Variants in C10orf53 observed in about 807,000 individuals in gnomAD.
The protein encoded by C10orf53 is UPF0728 protein C10orf53.
In C10orf53, 8 loss-of-function variants were observed where a neutral mutation model predicts 9.4. The observed-to-expected ratio is 0.85, with a 90% CI of 0.50 to 1.53. The LOEUF (loss-of-function observed/expected upper bound fraction) is 1.53. Among genes scored for constraint, C10orf53 ranks in the 40% most tolerant of loss-of-function variants. C10orf53 has a pLI of 0.00. For missense variants in C10orf53, 117 were observed against 117.8 expected, an observed-to-expected ratio of 0.99 and a Z score of 0.03; for synonymous variants, 48 against 46.0, an observed-to-expected ratio of 1.04 and a Z score of -0.18.
Position 49,703,677 on chromosome 10 carries a change from G to A in C10orf53, c.218-4684G>A, listed in dbSNP as rs963103012. ...ATAAACTGAGTGCTTTAGATCTGGG[G>A]ACATTTCTAGACCGTCCTAAAGCCC... On this transcript the variant is annotated intron_variant, in intron 2 of 2. Coordinates refer to the C10orf53 transcript ENST00000374112. Among the ~76,000 whole-genome samples the A allele has an allele frequency of 1.4e-4, 21 of 152,056 alleles. 1 individual carries two copies. Among genetic ancestry groups the A allele is most frequent in the Admixed American group, 3.3e-4 (5 of 15,272 alleles).
In C10orf53 at chr10:49,697,150, G is replaced by T. The variant is rs529181279; in HGVS notation, c.*2548G>T. On this transcript the variant is annotated 3_prime_UTR_variant, in exon 3 of 3. Transcript: ENST00000374111. ...AGAGGCTGCAGCGAACCTAGATCAC[G>T]CCACTGCACTCCAGCCTGGGTGACA... is the stretch of plus-strand genomic sequence containing the variant. 3.3e-5 allele frequency among the ~76,000 whole-genome samples: 5 copies of T among 152,152 alleles called. No homozygotes were observed. Among genetic ancestry groups the T allele is most frequent in the Non-Finnish European group, 7.4e-5 (5 of 68,024 alleles).
At chr10:49,689,629 G>A (rs1398671306) in intron 1 of C10orf53, among the ~76,000 whole-genome samples, 1 of 152,106 alleles carries the variant, frequency 6.6e-6, no homozygotes, top group Non-Finnish European at 1.5e-5. Flanking sequence ...AAAAGGAATG[G>A]GTAAATAAAT....
chr10:49,704,719 G>A (rs376362023), intron 2 of C10orf53, among the ~76,000 whole-genome samples: 4 of 152,148 alleles, frequency 2.6e-5, no homozygotes, highest in Non-Finnish European at 4.4e-5. Flanking sequence ...ACTCCACCCT[G>A]GGTGGCAGAG....
At chr10:49,691,289 A>T (rs1358731923) in intron 1 of C10orf53, among the ~76,000 whole-genome samples, 1 of 152,190 alleles carries the variant, frequency 6.6e-6, no homozygotes, top group Admixed American at 6.5e-5. Context: ...GAGTGATGGG[A>T]AGGGAATGTC....
exon 3 of C10orf53, chr10:49,708,915 C>G: frequency 2.7e-6 from 1 of 373,174 alleles, no homozygotes; most frequent in Non-Finnish European, 4.8e-6. Context: ...CTGATCTGCC[C>G]TTTTCTCAAC....
rs866632400 is a variant in C10orf53 at position 49,693,782 on chromosome 10, G to A, written c.106G>A (p.Ala36Thr). Residue 36 changes from alanine (A) to threonine (T), a missense_variant, in exon 2 of 3, where the codon GCC becomes ACC. Ala to Thr is a moderately conservative substitution (Grantham distance 58). Transcript: ENST00000374111. ...FRLQGLQAVL[A>T]IDGHEVILEK... ...TTTTCTTTCCTTCCCAGCTGTGTTG[G>A]CCATAGATGGACATGAGGTCATCCT... 1.2e-6 allele frequency: 2 copies of A among 1,613,574 alleles called. No individual in the cohort carries two copies. The highest frequency in any genetic ancestry group is 2.7e-5 in the African/African-American group (2 of 75,036).
chr10:49,708,883 C>A, exon 3 of C10orf53: 1 of 526,252 alleles, frequency 1.9e-6, no homozygotes, highest in South Asian at 2.3e-5. Flanking sequence ...TGGGGACAGC[C>A]CCCACCATCT....
Position 49,706,107 on chromosome 10 carries a change from T to A in C10orf53, c.218-2254T>A, listed in dbSNP as rs936834454. Reference sequence around the variant, plus strand: ...CTAGCAAATAGTCAACAGGTGTTGGTTGATGGGGATGTAAAGAAATCAGAA... The same window carrying A: ...CTAGCAAATAGTCAACAGGTGTTGGATGATGGGGATGTAAAGAAATCAGAA... On this transcript the variant is annotated intron_variant, in intron 2 of 2. Transcript: ENST00000374112. 4.2e-5 allele frequency among the ~76,000 whole-genome samples: 5 copies of A among 118,384 alleles called. No individual in the cohort carries two copies. The East Asian group carries it at 1.0e-3, about 24-fold the overall frequency. 77.7% of individuals were successfully genotyped at this position (118,384 alleles called of 152,430 possible). A position where few individuals can be genotyped will look rare whatever the true frequency, so the allele number is the denominator to read the frequency against.
chr10:49,690,512 C>T (rs916926752), intron 1 of C10orf53, among the ~76,000 whole-genome samples: 1 of 152,212 alleles, frequency 6.6e-6, no homozygotes, highest in African/African-American at 2.4e-5. Context: ...CTTTTCTGAA[C>T]TTACCATGCC....
downstream of C10orf53, among the ~76,000 whole-genome samples, chr10:49,701,768 C>T (rs1840685176): frequency 1.3e-5 from 2 of 150,476 alleles, no homozygotes; most frequent in South Asian, 2.1e-4. Flanking sequence ...GGTGGAGCAT[C>T]GCATGCCAGC....
chr10:49,679,725 C>T lies in C10orf53; in HGVS notation c.28C>T (p.Arg10Cys), dbSNP rs1840460259. The change falls in exon 1 of 3, where the codon CGC (arginine) becomes TGC (cysteine). Residue 10 changes from arginine to cysteine, a missense_variant. Transcript: ENST00000374111. ...GCCCAAGAACGCAGTGGTCATCCTG[C>T]GCTATGGGCCCTACAGCGCGGCAGG... The part of the protein sequence containing the change: MPKNAVVIL[R>C]YGPYSAAGLP... 2 of 1,548,474 alleles carry T rather than the reference C, an allele frequency of 1.3e-6. No homozygotes were observed. The highest frequency in any genetic ancestry group is 3.9e-5 in the Admixed American group (2 of 50,836).
At chr10:49,687,249 A>G (rs1203079968) in intron 1 of C10orf53, among the ~76,000 whole-genome samples, 1 of 152,222 alleles carries the variant, frequency 6.6e-6, no homozygotes, top group Admixed American at 6.5e-5. Context: ...TAGGAGTTCC[A>G]TTAGATCATT....
intron 1 of C10orf53, 64 bp downstream of exon 1, chr10:49,679,858 C>A (rs116463656): frequency 0.043 from 60,832 of 1,424,256 alleles, 1,849 homozygotes; most frequent in African/African-American, 0.12. Context: ...GCAGGTGGTG[C>A]CCTGTGCCTA....
intron 1 of C10orf53, among the ~76,000 whole-genome samples, chr10:49,690,325 G>A (rs1221108563): frequency 6.6e-6 from 1 of 152,136 alleles, no homozygotes; most frequent in East Asian, 1.9e-4. Flanking sequence ...AGCAAAGCAG[G>A]GAGCATCTGC....
At chr10:49,703,833 A>G (rs1180156434) in intron 2 of C10orf53, among the ~76,000 whole-genome samples, 1 of 152,258 alleles carries the variant, frequency 6.6e-6, no homozygotes, top group Non-Finnish European at 1.5e-5. Context: ...TGAAAACAAG[A>G]CAACCTGATT....
At chr10:49,680,054 C>G (rs1354670503) in intron 1 of C10orf53, among the ~76,000 whole-genome samples, 1 of 152,244 alleles carries the variant, frequency 6.6e-6, no homozygotes, top group Non-Finnish European at 1.5e-5. Context: ...AATTACATAA[C>G]CCTGCTTTAA....
At chr10:49,708,813 T>A in exon 3 of C10orf53, 1 of 716,706 alleles carries the variant, frequency 1.4e-6, no homozygotes, top group Non-Finnish European at 2.3e-6. Flanking sequence ...TCTGAGTCTC[T>A]ACAACTGTAT....
chr10:49,707,944 A>G (rs1840734265), intron 2 of C10orf53, among the ~76,000 whole-genome samples: 1 of 152,084 alleles, frequency 6.6e-6, no homozygotes, highest in African/African-American at 2.4e-5. Flanking sequence ...TTTGCTACAA[A>G]CATTAGTGCT....
chr10:49,698,007 T>C (rs1840650666), downstream of C10orf53, among the ~76,000 whole-genome samples: 1 of 152,190 alleles, frequency 6.6e-6, no homozygotes, highest in Admixed American at 6.5e-5. Context: ...AATCTGATGA[T>C]TGGCTGGAGG....
Sources: allele counts gnomAD v4.1 joint callset (sites outside exome capture counted in the v4.1 genomes callset), GRCh38; gene constraint gnomAD v4.1.1; transcripts MANE v1.5; gene names NCBI Gene and HGNC (gene_info 2026-07-23, HGNC 2026-07-21).